Variants in USP42 observed in about 807,000 individuals in gnomAD.
The protein encoded by USP42 is ubiquitin specific peptidase 42, also known as ubiquitin carboxyl-terminal hydrolase 42.
A neutral mutation model predicts 113.0 loss-of-function variants in USP42; 23 were observed. That is an observed-to-expected ratio of 0.20 (90% CI 0.15 to 0.29). The LOEUF (loss-of-function observed/expected upper bound fraction) is 0.29, where lower values mean the gene tolerates loss of function less well. Ranked by LOEUF, USP42 falls within the 10% of genes least tolerant of loss-of-function variation. The pLI is 1.00. For synonymous variants in USP42, 933 were observed against 699.0 expected, an observed-to-expected ratio of 1.33 and a Z score of -5.28; for missense variants, 2,174 against 1,779.8, an observed-to-expected ratio of 1.22 and a Z score of -3.99.
intron 3 of USP42, among the ~76,000 whole-genome samples, chr7:6,124,420 C>G (rs1476339906): frequency 1.3e-5 from 2 of 151,768 alleles, no homozygotes; most frequent in African/African-American, 4.8e-5. Flanking sequence ...GGTGCACCAC[C>G]ACACCCGGCT....
At position 6,153,835 on chromosome 7, in the gene USP42, G is replaced by A. The variant is rs749503707; in HGVS notation, c.2281G>A (p.Glu761Lys). ...TGGCAGCCCCGCCGCCGAATCCCTG[G>A]AGGAGCCAGATGCGGCCGCCGGCCT... Reference protein sequence around the residue: ...QPGSPAAESLEEPDAAAGLSS... With the variant: ...QPGSPAAESLKEPDAAAGLSS... The change falls in exon 15 of 18, where the codon GAG becomes AAG. Residue 761 changes from glutamate (E) to lysine (K), a missense_variant. Transcript: ENST00000306177. 1.9e-6 allele frequency: 3 copies of A among 1,542,848 alleles called. No homozygotes were observed. In the South Asian group the frequency reaches 3.6e-5, roughly 18 times the overall value.
rs1396260281 is a variant in USP42, at chr7:6,160,628, C to A, written c.*110C>A. ...AGATAGACAATAACTCTGTTCCAAT[C>A]TGCGTGGTGCTTCTTTAGTAAATAC... On this transcript the variant is annotated 3_prime_UTR_variant, in exon 18 of 18. Transcript: ENST00000306177. The A allele has an allele frequency of 6.5e-6, 1 of 152,674 alleles. No individual in the cohort carries two copies. Among genetic ancestry groups the A allele is most frequent in the Non-Finnish European group, 1.5e-5 (1 of 68,050 alleles). 9.5% of individuals were successfully genotyped at this position (152,674 alleles called of 1,614,324 possible). A position where few individuals can be genotyped will look rare whatever the true frequency, so the allele number is the denominator to read the frequency against.
Position 6,154,287 on chromosome 7 carries a change from C to T in USP42, c.2733C>T (p.His911=). 6.3e-7 allele frequency: 1 copy of T among 1,591,312 alleles called. No individual in the cohort carries two copies. The highest frequency in any genetic ancestry group is 2.3e-5 in the East Asian group (1 of 43,542). ...APVLDMAPAG[H]PEGDAEPSPG... is the part of the protein sequence containing the mutation. Reference sequence around the variant, plus strand: ...TGCTGGACATGGCCCCGGCCGGTCACCCGGAAGGGGACGCTGAGCCTAGCC... The same window carrying T: ...TGCTGGACATGGCCCCGGCCGGTCATCCGGAAGGGGACGCTGAGCCTAGCC... The change falls in exon 15 of 18, where the codon CAC becomes CAT. Residue 911 remains histidine (H), a synonymous_variant. Transcript: ENST00000306177.
intron 2 of USP42, among the ~76,000 whole-genome samples, chr7:6,112,479 A>G (rs1390907084): frequency 2.0e-5 from 3 of 152,106 alleles, no homozygotes; most frequent in Non-Finnish European, 2.9e-5. Flanking sequence ...AAAAGAGAGC[A>G]TGTAACACAA....
intron 3 of USP42, among the ~76,000 whole-genome samples, chr7:6,117,368 A>G (rs1438689862): frequency 6.6e-6 from 1 of 152,182 alleles, no homozygotes; most frequent in Non-Finnish European, 1.5e-5. Flanking sequence ...CATTTGTGCC[A>G]TGTAGCATCA....
At position 6,111,401 on chromosome 7, in the gene USP42, C is replaced by A. The variant is rs1002883966; in HGVS notation, c.241+27C>A. On this transcript the variant is annotated intron_variant, in intron 2 of 17. Coordinates refer to ENST00000306177, the MANE Select transcript of USP42 (RefSeq NM_032172.3). ...TACTGTTTTTCAAAAGAGAGAATTA[C>A]CGCCAGAAACTCCTGTGTAAATGCT... The A allele has an allele frequency of 1.3e-5, 21 of 1,602,070 alleles. No individual in the cohort carries two copies. The Admixed American group carries it at 3.6e-4, about 27-fold the overall frequency.
At chr7:6,145,441 T>C in intron 9 of USP42, 75 bp from the exon 10 acceptor site, 2 of 1,586,888 alleles carry the variant, frequency 1.3e-6, no homozygotes, top group Non-Finnish European at 1.7e-6. Flanking sequence ...TAGGAAGCTC[T>C]AAGTACCCTC....
At chr7:6,082,603 G>GTTTTTTTTCTTTTTTTTTTTTTTTT in the USP42 span, among the ~76,000 whole-genome samples, 1 of 90,196 alleles carries the variant, frequency 1.1e-5, no homozygotes, top group Non-Finnish European at 2.0e-5. Flanking sequence ...CTTTCTTTCT[G>GTTTTTTTTCTTTTTTTTTTTTTTTT]TTTTTTTTTT....
In USP42 at chr7:6,158,461, G is replaced by A. The variant is rs76781274; in HGVS notation, c.3944-989G>A. Among the ~76,000 whole-genome samples, 8,157 of 151,100 alleles carry A rather than the reference G, an allele frequency of 0.054. 482 individuals are homozygous for A. The highest frequency in any genetic ancestry group is 0.32 in the East Asian group (1,419 of 4,450). ...TCGGCTGAGTTGTGGGTTAGGTGGA[G>A]CTGTGTGTTCTGGGGAAGGCCTGTC... On this transcript the variant is annotated intron_variant, in intron 16 of 17. Transcript: ENST00000306177. This position sits in a 1 kb window ranked among gnomAD's most constrained non-coding sequence, Gnocchi z 4.2.
At chr7:6,140,254 T>C in intron 6 of USP42, 59 bp downstream of exon 6, 1 of 1,479,260 alleles carries the variant, frequency 6.8e-7, no homozygotes, top group Admixed American at 1.7e-5. Flanking sequence ...AAAATGGTAA[T>C]AGTAGGACAG....
chr7:6,095,699 T>G, the USP42 span, among the ~76,000 whole-genome samples: 2 of 151,058 alleles, frequency 1.3e-5, no homozygotes, highest in Non-Finnish European at 2.9e-5. Flanking sequence ...GAGGTCTCTT[T>G]GGGGCAGGAC....
intron 1 of USP42, among the ~76,000 whole-genome samples, chr7:6,107,028 G>C (rs543555675): frequency 6.6e-6 from 1 of 152,374 alleles, no homozygotes; most frequent in African/African-American, 2.4e-5. Context: ...TTAGCTTCAA[G>C]AAAGGTTATG....
chr7:6,129,586 C>T (rs1054053994), intron 3 of USP42, among the ~76,000 whole-genome samples: 2 of 146,400 alleles, frequency 1.4e-5, no homozygotes, highest in African/African-American at 2.5e-5. Context: ...AAGGACGAGG[C>T]GCGGTGGCTC....
the USP42 span, among the ~76,000 whole-genome samples, chr7:6,089,294 T>A: frequency 6.7e-6 from 1 of 149,542 alleles, no homozygotes; most frequent in African/African-American, 2.5e-5. Context: ...TCTTAGGTGA[T>A]ACACCCACCT....
chr7:6,135,950 G>T lies in USP42; in HGVS notation c.552G>T (p.Arg184=), dbSNP rs376554110. 50 of 1,578,084 alleles carry T rather than the reference G, an allele frequency of 3.2e-5. No homozygotes were observed. Among genetic ancestry groups the T allele is most frequent in the Non-Finnish European group, 4.2e-5 (49 of 1,157,402 alleles). ...CAATGTTTGTCATCAATGAGATGCG[G>T]CGTAAGTATTAACTATTGTAGTTTT... ...IKPMFVINEM[R]RIARHFRFGN... is the part of the protein sequence containing the mutation. Residue 184 remains arginine, a splice_region_variant and synonymous_variant, in exon 4 of 18, where the codon CGG becomes CGT. Transcript: ENST00000306177.
chr7:6,141,716 C>T (rs1021768245), intron 7 of USP42, among the ~76,000 whole-genome samples: 11 of 152,034 alleles, frequency 7.2e-5, no homozygotes, highest in Non-Finnish European at 1.6e-4. Flanking sequence ...TGTGCCCAGC[C>T]TGCCTCTTGC....
chr7:6,101,837 G>A (rs1489951432), upstream of USP42, among the ~76,000 whole-genome samples: 3 of 150,764 alleles, frequency 2.0e-5, no homozygotes, highest in Middle Eastern at 3.4e-3. Context: ...CCAGCACTTT[G>A]GGAGGCTGAG....
At chr7:6,097,737 G>T in the USP42 span, among the ~76,000 whole-genome samples, 1 of 147,952 alleles carries the variant, frequency 6.8e-6, no homozygotes, top group Non-Finnish European at 1.5e-5. Context: ...ACTACAGGCG[G>T]CCGCCACCAT....
Position 6,139,309 on chromosome 7 carries a change from T to C in USP42, c.656+115T>C, listed in dbSNP as rs1018490484. 7 of 805,780 alleles carry C rather than the reference T, an allele frequency of 8.7e-6. No individual in the cohort carries two copies. The highest frequency in any genetic ancestry group is 3.4e-5 in the Admixed American group (1 of 29,502). 49.9% of individuals were successfully genotyped at this position (805,780 alleles called of 1,614,324 possible). A position where few individuals can be genotyped will look rare whatever the true frequency, so the allele number is the denominator to read the frequency against. On this transcript the variant is annotated intron_variant, in intron 5 of 17. Transcript: ENST00000306177. The surrounding 1 kb of genome is among the most constrained non-coding windows in gnomAD (Gnocchi z 4.5). ...GGAAGCACACAGAACAGTGTTCACT[T>C]TACCTTTTGGCTTTGCTCTGCCTCT...
Sources: gnomAD v4.1 joint callset for allele counts (sites outside exome capture counted in the v4.1 genomes callset) on GRCh38, gnomAD v4.1.1 for gene constraint, Gnocchi (gnomAD v3.1) non-coding constraint, MANE v1.5 for transcripts, NCBI Gene and HGNC (gene_info 2026-07-23, HGNC 2026-07-21) for gene names.